The following PID1 variants were observed in gnomAD, a reference collection of about 807,000 sequenced individuals.
The protein encoded by PID1 is phosphotyrosine interaction domain containing 1, also known as PTB-containing, cubilin and LRP1-interacting protein.
Under a neutral mutation model 19.1 loss-of-function variants are expected in PID1, and 10 were observed. The observed-to-expected ratio is 0.52, with a 90% confidence interval of 0.32 to 0.89. The LOEUF is 0.89. Ranked by LOEUF, PID1 falls within the 40% of genes least tolerant of loss-of-function variation. PID1 has a pLI of 0.03. For synonymous variants in PID1, 130 were observed against 116.0 expected (o/e 1.12, Z -0.78); for missense variants, 248 against 285.3 (o/e 0.87, Z 0.94).
intron 2 of PID1, among the ~76,000 whole-genome samples, chr2:229,071,083 A>G (rs1694441079): frequency 6.7e-6 from 1 of 148,396 alleles, no homozygotes; most frequent in Non-Finnish European, 1.5e-5. Context: ...TAAGCAAATG[A>G]ATGTTACTTG....
chr2:229,069,713 G>T (rs1375123898), intron 2 of PID1, among the ~76,000 whole-genome samples: 1 of 152,180 alleles, frequency 6.6e-6, no homozygotes, highest in African/African-American at 2.4e-5. Flanking sequence ...ATACCTGAAT[G>T]GGAAAAGTAG....
intron 1 of PID1, among the ~76,000 whole-genome samples, chr2:229,214,043 A>G (rs1691793147): frequency 6.6e-6 from 1 of 152,182 alleles, no homozygotes; most frequent in Admixed American, 6.5e-5. Context: ...AGAGGTGGGC[A>G]TGTCTATAAA....
chr2:229,181,524 T>C (rs925538929), intron 1 of PID1, among the ~76,000 whole-genome samples: 1 of 152,216 alleles, frequency 6.6e-6, no homozygotes, highest in Non-Finnish European at 1.5e-5. Flanking sequence ...TCAGATTCAC[T>C]ACCACCTTAT....
chr2:229,072,944 G>A (rs547181554), intron 2 of PID1, among the ~76,000 whole-genome samples: 11 of 152,340 alleles, frequency 7.2e-5, no homozygotes, highest in African/African-American at 2.4e-4. Flanking sequence ...GTTATAAGAT[G>A]AACAAACCTA....
rs113573610 is a variant in PID1 at position 229,080,802 on chromosome 2, T to C, written c.178-54694A>G. Reference sequence around the variant, plus strand: ...AACAAACAAGAAAACCTCTAACAAATAGAGCTAGGGAAGGCCATGAGAAGG... The same window carrying C: ...AACAAACAAGAAAACCTCTAACAAACAGAGCTAGGGAAGGCCATGAGAAGG... On this transcript the variant is annotated intron_variant, in intron 2 of 2. Transcript: ENST00000392055. 5.9e-3 allele frequency among the ~76,000 whole-genome samples: 895 copies of C among 152,166 alleles called. 14 individuals carry two copies. Among genetic ancestry groups the C allele is most frequent in the African/African-American group, 0.021 (869 of 41,522 alleles).
chr2:229,066,409 A>T (rs1384922734), intron 2 of PID1, among the ~76,000 whole-genome samples: 2 of 152,302 alleles, frequency 1.3e-5, no homozygotes, highest in East Asian at 1.9e-4. Flanking sequence ...GAGGTAACAC[A>T]TGTGTTGAAA....
chr2:229,048,625 C>T (rs866965499), intron 2 of PID1, among the ~76,000 whole-genome samples: 3 of 152,146 alleles, frequency 2.0e-5, no homozygotes, highest in South Asian at 4.2e-4. Context: ...ATGTAGGCTG[C>T]AGCTCTGGTG....
intron 2 of PID1, among the ~76,000 whole-genome samples, chr2:229,143,034 ATG>A (rs1156279323): frequency 3.1e-4 from 46 of 148,296 alleles, no homozygotes; most frequent in African/African-American, 1.2e-3. Flanking sequence ...TGATGAGTTC[ATG>A]TCCTTTGTAG....
intron 2 of PID1, among the ~76,000 whole-genome samples, chr2:229,062,179 A>C (rs146964529): frequency 6.6e-6 from 1 of 151,970 alleles, no homozygotes; most frequent in Non-Finnish European, 1.5e-5. Context: ...ATTTTAGAGA[A>C]AAAGGTTTCA....
chr2:229,121,990 G>A (rs1044235658), intron 2 of PID1, among the ~76,000 whole-genome samples: 13 of 151,960 alleles, frequency 8.6e-5, no homozygotes, highest in Admixed American at 3.3e-4. Context: ...AGAAGTCTGC[G>A]AAAAAAGTCT....
intron 1 of PID1, among the ~76,000 whole-genome samples, chr2:229,205,157 T>C (rs940558084): frequency 6.6e-6 from 1 of 152,056 alleles, no homozygotes; most frequent in African/African-American, 2.4e-5. Flanking sequence ...ATACACATCA[T>C]TAAATTGCAT....
At chr2:229,130,167 T>A (rs985252539) in intron 2 of PID1, among the ~76,000 whole-genome samples, 1 of 152,206 alleles carries the variant, frequency 6.6e-6, no homozygotes, top group African/African-American at 2.4e-5. Flanking sequence ...AACTGGTGAA[T>A]CACAACTTTG....
intron 1 of PID1, among the ~76,000 whole-genome samples, chr2:229,260,185 A>T (rs1041808530): frequency 6.6e-6 from 1 of 152,182 alleles, no homozygotes; most frequent in African/African-American, 2.4e-5. Flanking sequence ...TGACTCAGCC[A>T]TATCAATTTT....
intron 2 of PID1, among the ~76,000 whole-genome samples, chr2:229,039,108 C>T (rs1293270454): frequency 1.3e-5 from 2 of 152,268 alleles, no homozygotes; most frequent in Middle Eastern, 3.4e-3. Context: ...ATATATAACG[C>T]AGCGAGAAAG....
At chr2:229,113,357 C>T (rs1342007314) in intron 2 of PID1, among the ~76,000 whole-genome samples, 2 of 148,692 alleles carry the variant, frequency 1.3e-5, no homozygotes, top group East Asian at 2.0e-4. Context: ...AGGCAAATTA[C>T]TTTTAATGTC....
chr2:229,250,440 G>A (rs1484227359), intron 1 of PID1, among the ~76,000 whole-genome samples: 1 of 152,202 alleles, frequency 6.6e-6, no homozygotes, highest in Non-Finnish European at 1.5e-5. Flanking sequence ...AGAGGACTGT[G>A]TTGCTTTCAG....
At chr2:229,125,595 A>G (rs1695607052) in intron 2 of PID1, among the ~76,000 whole-genome samples, 1 of 152,184 alleles carries the variant, frequency 6.6e-6, no homozygotes, top group Admixed American at 6.5e-5. Flanking sequence ...AGTTTACTAC[A>G]CTGAAGTACA....
At chr2:229,151,421 C>T (rs1187949434) in intron 2 of PID1, among the ~76,000 whole-genome samples, 2 of 152,206 alleles carry the variant, frequency 1.3e-5, no homozygotes, top group South Asian at 2.1e-4. Flanking sequence ...GGGGCTACAC[C>T]TGGCACTTAA....
intron 1 of PID1, among the ~76,000 whole-genome samples, chr2:229,229,950 T>C (rs1317507300): frequency 2.0e-5 from 3 of 152,230 alleles, no homozygotes; most frequent in Non-Finnish European, 4.4e-5. Context: ...AGGTGATCTA[T>C]TAAGTTTTAT....
Sources: allele counts gnomAD v4.1 joint callset (sites outside exome capture counted in the v4.1 genomes callset), GRCh38; gene constraint gnomAD v4.1.1; transcripts MANE v1.5; gene names NCBI Gene and HGNC (gene_info 2026-07-23, HGNC 2026-07-21).